Variants in RNF19A observed in about 807,000 individuals in gnomAD.
RNF19A encodes the protein E3 ubiquitin-protein ligase RNF19A.
A neutral mutation model predicts 75.7 loss-of-function variants in RNF19A; 32 were observed. The observed-to-expected ratio is 0.42, with a 90% CI of 0.32 to 0.57. The LOEUF is 0.57. Ranked by LOEUF, RNF19A falls within the 20% of genes least tolerant of loss-of-function variation. The pLI is 0.10. For synonymous variants in RNF19A, 335 were observed against 345.2 expected (o/e 0.97, Z 0.33); for missense variants, 782 against 1,036.3 (o/e 0.75, Z 3.37).
intron 1 of RNF19A, among the ~76,000 whole-genome samples, chr8:100,318,408 T>C (rs568302067): frequency 2.6e-5 from 4 of 152,246 alleles, no homozygotes; most frequent in Non-Finnish European, 5.9e-5. Context: ...ATTTTTCTCG[T>C]GCTATATTTT....
At chr8:100,281,236 C>T (rs1456259287) in intron 2 of RNF19A, among the ~76,000 whole-genome samples, 1 of 152,160 alleles carries the variant, frequency 6.6e-6, no homozygotes, top group Non-Finnish European at 1.5e-5. Context: ...GCAGTCTCTC[C>T]AGAAGTATCT....
chr8:100,291,414 CCA>C (rs1401561253), intron 1 of RNF19A, among the ~76,000 whole-genome samples: 1 of 152,214 alleles, frequency 6.6e-6, no homozygotes, highest in Non-Finnish European at 1.5e-5. Flanking sequence ...CTTACTACAT[CCA>C]GTTTTTTAAC....
chr8:100,296,101 T>C (rs1383145790), intron 1 of RNF19A, among the ~76,000 whole-genome samples: 2 of 152,118 alleles, frequency 1.3e-5, no homozygotes, highest in African/African-American at 4.8e-5. Context: ...CTTTTTTTTC[T>C]TTTTTTCCTT....
intron 2 of RNF19A, among the ~76,000 whole-genome samples, chr8:100,277,555 G>A (rs1030336255): frequency 6.6e-6 from 1 of 151,902 alleles, no homozygotes; most frequent in Admixed American, 6.6e-5. Flanking sequence ...CTTGTGATCT[G>A]CCCGCCTCAG....
rs73282731 is a variant in RNF19A at position 100,287,584 on chromosome 8, C to T, written c.591G>A (p.Leu197=). 9.5e-4 allele frequency: 1,528 copies of T among 1,614,106 alleles called. 17 individuals are homozygous for T. The African/African-American group carries it at 0.019, about 20-fold the overall frequency. ...DIRLILSDDV[L]MEKYEEFMLR... is the part of the protein sequence containing the mutation. ...GCATAAATTCTTCGTATTTTTCCAT[C>T]AAGACATCATCACTTAATATCAAGC... Residue 197 remains leucine (L), a synonymous_variant, in exon 2 of 10, where the codon TTG becomes TTA. Coordinates refer to ENST00000341084, the MANE Select transcript of RNF19A (RefSeq NM_183419.4). This position sits in a 1 kb window ranked among gnomAD's most constrained non-coding sequence, Gnocchi z 4.1.
chr8:100,307,647 A>C (rs970980620), intron 1 of RNF19A, among the ~76,000 whole-genome samples: 5 of 152,132 alleles, frequency 3.3e-5, no homozygotes, highest in African/African-American at 9.7e-5. Flanking sequence ...TTAATTACCC[A>C]TATTTAATTC....
Position 100,258,925 on chromosome 8 carries a change from A to G in RNF19A, c.2148T>C (p.Ser716=). The change falls in exon 10 of 10, where the codon AGT becomes AGC. Residue 716 remains serine (S), a synonymous_variant. Transcript: ENST00000341084. This position sits in a 1 kb window ranked among gnomAD's most constrained non-coding sequence, Gnocchi z 4.3. ...AGTGAGAATCTGCTACAGAAGGCAT[A>G]CTGTCACTGAGGGATGGAGCCTCAA... The part of the protein sequence containing the change: ...SEFEAPSLSD[S]MPSVADSHSS... 6.2e-7 allele frequency: 1 copy of G among 1,614,262 alleles called. No homozygotes were observed. Among genetic ancestry groups the G allele is most frequent in the Non-Finnish European group, 8.5e-7 (1 of 1,180,046 alleles).
intron 1 of RNF19A, among the ~76,000 whole-genome samples, chr8:100,307,343 C>G (rs938662388): frequency 2.6e-5 from 4 of 152,072 alleles, no homozygotes; most frequent in African/African-American, 9.7e-5. Context: ...TGACTAGGGA[C>G]TTTTACATGT....
At position 100,309,342 on chromosome 8, in the gene RNF19A, G is replaced by A. The variant is rs1822195399; in HGVS notation, c.-94+525C>T. 7.1e-6 allele frequency: 7 copies of A among 985,672 alleles called. No homozygotes were observed. In the Admixed American group the frequency reaches 2.5e-4, roughly 35 times the overall value. 61.1% of individuals were successfully genotyped at this position (985,672 alleles called of 1,614,324 possible). ...CCCTCCCTAAGGCCCCAGGCAGCACGGCTTGCGGGGCGATGTCCCGGCTCC... is the reference window on the plus strand; with the variant it reads ...CCCTCCCTAAGGCCCCAGGCAGCACAGCTTGCGGGGCGATGTCCCGGCTCC... On this transcript the variant is annotated intron_variant, in intron 1 of 9. Transcript: ENST00000341084.
At chr8:100,280,271 A>G (rs1294014530) in intron 2 of RNF19A, among the ~76,000 whole-genome samples, 1 of 152,208 alleles carries the variant, frequency 6.6e-6, no homozygotes, top group East Asian at 1.9e-4. Context: ...GCCACCTGGC[A>G]TTTGGTCAAA....
chr8:100,273,408 A>C (rs2129673841), intron 3 of RNF19A, among the ~76,000 whole-genome samples: 1 of 152,328 alleles, frequency 6.6e-6, no homozygotes, highest in South Asian at 2.1e-4. Flanking sequence ...TCTAGCTGCT[A>C]GACTTGGCTC....
intron 1 of RNF19A, among the ~76,000 whole-genome samples, chr8:100,299,547 G>T (rs1267815863): frequency 6.6e-6 from 1 of 152,168 alleles, no homozygotes; most frequent in African/African-American, 2.4e-5. Flanking sequence ...ATCACCTGAG[G>T]TCAGTAGTTC....
chr8:100,323,643 A>G lies in RNF19A; in HGVS notation c.-242-10271T>C, dbSNP rs528289748. Among the ~76,000 whole-genome samples, 7 of 152,356 alleles carry G rather than the reference A, an allele frequency of 4.6e-5. No homozygotes were observed. The East Asian group carries it at 1.3e-3, about 29-fold the overall frequency. The stretch of plus-strand genomic sequence containing the variant: ...CATTAGAAATGTGTTAGAGGAAGAC[A>G]TATTTAAATAGTAATTTCCTAGCAA... On this transcript the variant is annotated intron_variant, in intron 1 of 3. Transcript: ENST00000519527. The surrounding 1 kb of genome is among the most constrained non-coding windows in gnomAD (Gnocchi z 4.6).
At chr8:100,305,053 A>G (rs1228984725) in intron 1 of RNF19A, among the ~76,000 whole-genome samples, 1 of 152,164 alleles carries the variant, frequency 6.6e-6, no homozygotes, top group East Asian at 1.9e-4. Context: ...CTCCTGCCTC[A>G]GCCTCCCTAG....
chr8:100,282,928 A>G (rs1036794066), intron 2 of RNF19A, among the ~76,000 whole-genome samples: 9 of 152,210 alleles, frequency 5.9e-5, no homozygotes, highest in Admixed American at 1.3e-4. Context: ...ACCAGCTTGA[A>G]GCTTACACAA....
At chr8:100,282,813 GTTA>G (rs1820843826) in intron 2 of RNF19A, among the ~76,000 whole-genome samples, 1 of 152,172 alleles carries the variant, frequency 6.6e-6, no homozygotes, top group African/African-American at 2.4e-5. Context: ...AAAAATACAT[GTTA>G]TTTAGTCCCT....
chr8:100,267,964 C>T (rs1408752038), intron 5 of RNF19A, among the ~76,000 whole-genome samples: 6 of 152,058 alleles, frequency 3.9e-5, no homozygotes, highest in African/African-American at 4.8e-5. Flanking sequence ...AGGGGTGAGG[C>T]ACCGCACCTG....
intron 1 of RNF19A, among the ~76,000 whole-genome samples, chr8:100,297,051 A>G (rs914326362): frequency 7.2e-5 from 11 of 152,260 alleles, no homozygotes; most frequent in Admixed American, 6.5e-5. Context: ...AAATATGTCC[A>G]TAAAGATATT....
chr8:100,274,796 T>C (rs1820423624), intron 3 of RNF19A, among the ~76,000 whole-genome samples, 157 bp downstream of exon 3: 1 of 152,210 alleles, frequency 6.6e-6, no homozygotes, highest in African/African-American at 2.4e-5. Flanking sequence ...TCAGAACCAC[T>C]TTCTTCCATA....
Sources: gnomAD v4.1 joint callset for allele counts (sites outside exome capture counted in the v4.1 genomes callset) on GRCh38, gnomAD v4.1.1 for gene constraint, Gnocchi (gnomAD v3.1) non-coding constraint, MANE v1.5 for transcripts, NCBI Gene and HGNC (gene_info 2026-07-23, HGNC 2026-07-21) for gene names.